KDM4C: variants seen among roughly 807,000 people sequenced by gnomAD.
KDM4C encodes lysine demethylase 4C.
KDM4C carries 81 observed loss-of-function variants against 129.3 expected under a neutral mutation model. That is an observed-to-expected ratio of 0.63 (90% CI 0.52 to 0.75). The LOEUF (loss-of-function observed/expected upper bound fraction) is 0.75. Among genes scored for constraint, KDM4C ranks in the 30% least tolerant of loss-of-function variants. The pLI is 0.00. For missense variants in KDM4C, 1,457 were observed against 1,304.0 expected, an observed-to-expected ratio of 1.12 and a Z score of -1.81; for synonymous variants, 573 against 456.1, an observed-to-expected ratio of 1.26 and a Z score of -3.26.
chr9:7,066,082 A>C (rs187540418), intron 17 of KDM4C, among the ~76,000 whole-genome samples: 3 of 152,182 alleles, frequency 2.0e-5, no homozygotes, highest in Admixed American at 1.3e-4. Context: ...AATCATCTTC[A>C]TTACATCAGT....
chr9:6,866,092 A>T (rs6477121), intron 5 of KDM4C, among the ~76,000 whole-genome samples: 1 of 151,396 alleles, frequency 6.6e-6, no homozygotes, highest in East Asian at 1.9e-4. Context: ...ACCATGTTGA[A>T]CAGGCTGGTC....
intron 1 of KDM4C, among the ~76,000 whole-genome samples, chr9:6,764,530 C>G (rs1463772674): frequency 6.6e-6 from 1 of 152,166 alleles, no homozygotes; most frequent in Admixed American, 6.5e-5. Context: ...CAGATGTGGA[C>G]AGCAGTGAAC....
intron 1 of KDM4C, among the ~76,000 whole-genome samples, chr9:6,789,136 G>A (rs1826038471): frequency 6.7e-6 from 1 of 150,154 alleles, no homozygotes; most frequent in Non-Finnish European, 1.5e-5. Flanking sequence ...TGCACCCTCT[G>A]CCCCCCGGGG....
chr9:7,076,975 G>T (rs937120470), intron 17 of KDM4C: 3 of 985,640 alleles, frequency 3.0e-6, no homozygotes, highest in Non-Finnish European at 3.6e-6. Context: ...CCAGAGGCTT[G>T]AATCTAAGAG....
chr9:6,989,801 G>A (rs1344030600), intron 11 of KDM4C, among the ~76,000 whole-genome samples: 5 of 152,056 alleles, frequency 3.3e-5, no homozygotes, highest in African/African-American at 1.2e-4. Context: ...TGGCGACAGG[G>A]TCTTGCCCTG....
At chr9:7,097,935 A>G (rs942856056) in intron 17 of KDM4C, among the ~76,000 whole-genome samples, 1 of 152,250 alleles carries the variant, frequency 6.6e-6, no homozygotes, top group Non-Finnish European at 1.5e-5. Context: ...CATATGGTTA[A>G]TGGCTGTTTA....
intron 8 of KDM4C, among the ~76,000 whole-genome samples, chr9:6,899,072 T>TA (rs1389194585): frequency 6.6e-6 from 1 of 151,806 alleles, no homozygotes; most frequent in Admixed American, 6.6e-5. Flanking sequence ...TTTTTTTTTT[T>TA]ACCTCTACTT....
intron 8 of KDM4C, among the ~76,000 whole-genome samples, chr9:6,945,729 C>G (rs1360832989): frequency 2.0e-5 from 3 of 152,080 alleles, no homozygotes; most frequent in Non-Finnish European, 4.4e-5. Flanking sequence ...TTGAGCTTGG[C>G]TTTTAATCTA....
intron 1 of KDM4C, among the ~76,000 whole-genome samples, chr9:6,734,171 C>A (rs1425623715): frequency 6.6e-6 from 1 of 151,888 alleles, no homozygotes; most frequent in Non-Finnish European, 1.5e-5. Context: ...AACAAGGCAC[C>A]TTAATTTAGT....
chr9:6,976,910 G>T (rs1161600409), intron 8 of KDM4C, among the ~76,000 whole-genome samples: 2 of 152,064 alleles, frequency 1.3e-5, no homozygotes, highest in African/African-American at 4.8e-5. Context: ...GATAAGATAG[G>T]ACAGCATAGG....
At chr9:6,985,011 C>G (rs1048768323) in intron 10 of KDM4C, among the ~76,000 whole-genome samples, 1 of 152,028 alleles carries the variant, frequency 6.6e-6, no homozygotes, top group Non-Finnish European at 1.5e-5. Flanking sequence ...AAGCTAATTC[C>G]TGTGTTCCTC....
At chr9:6,856,427 G>C (rs1317490321) in intron 5 of KDM4C, among the ~76,000 whole-genome samples, 1 of 152,076 alleles carries the variant, frequency 6.6e-6, no homozygotes, top group Non-Finnish European at 1.5e-5. Flanking sequence ...GCTTTTTCTA[G>C]AGAAATTTGC....
chr9:7,098,330 C>T (rs901657161), intron 17 of KDM4C, among the ~76,000 whole-genome samples: 2 of 152,184 alleles, frequency 1.3e-5, no homozygotes, highest in Non-Finnish European at 2.9e-5. Context: ...GCTTTCTCAC[C>T]TTTTGCAGGG....
chr9:6,846,705 A>G (rs1363029672), intron 4 of KDM4C, among the ~76,000 whole-genome samples: 3 of 152,238 alleles, frequency 2.0e-5, no homozygotes, highest in African/African-American at 7.2e-5. Context: ...GGAGAAATTC[A>G]GTAGTGAATT....
chr9:6,937,030 A>G (rs2131358498), intron 8 of KDM4C, among the ~76,000 whole-genome samples: 1 of 152,324 alleles, frequency 6.6e-6, no homozygotes, highest in African/African-American at 2.4e-5. Context: ...TATTGTGTAG[A>G]TTTTATGTAC....
intron 1 of KDM4C, among the ~76,000 whole-genome samples, chr9:6,772,877 G>C (rs940364418): frequency 1.3e-5 from 2 of 149,040 alleles, no homozygotes; most frequent in African/African-American, 5.0e-5. Flanking sequence ...TGTATTTTTA[G>C]TAGAGATGGG....
intron 19 of KDM4C, among the ~76,000 whole-genome samples, chr9:7,160,451 C>T (rs968840156): frequency 1.3e-5 from 2 of 152,208 alleles, no homozygotes; most frequent in African/African-American, 4.8e-5. Context: ...CTGGTTTCTC[C>T]ACATCTTTGT....
chr9:7,132,915 A>G (rs1435526449), intron 19 of KDM4C, among the ~76,000 whole-genome samples: 2 of 152,226 alleles, frequency 1.3e-5, no homozygotes, highest in Non-Finnish European at 2.9e-5. Flanking sequence ...GGAGTCCATC[A>G]CTGAAATTTC....
intron 17 of KDM4C, among the ~76,000 whole-genome samples, chr9:7,082,167 CT>C (rs112048706): frequency 0.39 from 58,478 of 151,868 alleles, 12,012 homozygotes; most frequent in Non-Finnish European, 0.46. Context: ...CACATGGGGC[CT>C]GAGTTTATAC....
Sources: allele counts gnomAD v4.1 joint callset (sites outside exome capture counted in the v4.1 genomes callset), GRCh38; gene constraint gnomAD v4.1.1; transcripts MANE v1.5; gene names NCBI Gene and HGNC (gene_info 2026-07-23, HGNC 2026-07-21).